The following SLC3A2 variants were observed in gnomAD, a reference collection of about 807,000 sequenced individuals.
The protein encoded by SLC3A2 is solute carrier family 3 member 2.
A neutral mutation model predicts 48.5 loss-of-function variants in SLC3A2; 32 were observed. The observed-to-expected ratio is 0.66, with a 90% CI of 0.50 to 0.89. The LOEUF is 0.89. SLC3A2 is among the 40% of genes least tolerant of loss of function. The pLI, the probability that SLC3A2 is intolerant of heterozygous loss-of-function variation, is 0.00. For missense variants in SLC3A2, 587 were observed against 680.7 expected, an observed-to-expected ratio of 0.86 and a Z score of 1.53; for synonymous variants, 277 against 288.8, an observed-to-expected ratio of 0.96 and a Z score of 0.41.
intron 1 of SLC3A2, among the ~76,000 whole-genome samples, chr11:62,874,675 G>T (rs898740654): frequency 6.6e-6 from 1 of 152,082 alleles, no homozygotes; most frequent in Admixed American, 6.6e-5. Flanking sequence ...GCTGCGAAGT[G>T]AACTGCTTTA....
chr11:62,876,162 G>T (rs1320998678), upstream of SLC3A2, among the ~76,000 whole-genome samples: 1 of 152,218 alleles, frequency 6.6e-6, no homozygotes, highest in African/African-American at 2.4e-5. Context: ...GCTGTGCCTG[G>T]TCAATCCTTT....
chr11:62,872,903 A>T (rs1373458558), intron 1 of SLC3A2, among the ~76,000 whole-genome samples: 2 of 152,158 alleles, frequency 1.3e-5, no homozygotes, highest in African/African-American at 4.8e-5. Context: ...TGCCTGGCCT[A>T]ACCAATTTTT....
In SLC3A2 at chr11:62,881,050, G is replaced by A; in HGVS notation, c.27G>A (p.Met9Ile). Residue 9 changes from methionine (M) to isoleucine (I), a missense_variant, in exon 1 of 9, where the codon ATG (methionine) becomes ATA (isoleucine). By Grantham distance (10) the Met-to-Ile change is conservative. Transcript: ENST00000338663. This position sits in a 1 kb window ranked among gnomAD's most constrained non-coding sequence, Gnocchi z 4.0. MSQDTEVD[M>I]KEVELNELEP... ...TGAGCCAGGACACCGAGGTGGATAT[G>A]AAGGAGGTGGAGCTGAATGAGTTAG... The A allele has an allele frequency of 6.3e-7, 1 of 1,588,208 alleles. No individual in the cohort carries two copies. Among genetic ancestry groups the A allele is most frequent in the Non-Finnish European group, 8.6e-7 (1 of 1,164,880 alleles).
intron 1 of SLC3A2, among the ~76,000 whole-genome samples, chr11:62,863,164 G>T (rs2085420001): frequency 6.6e-6 from 1 of 152,130 alleles, no homozygotes; most frequent in Non-Finnish European, 1.5e-5. Flanking sequence ...TAAGTGATCA[G>T]CCTGGCTTAG....
At chr11:62,857,083 A>C (rs1389813012) in intron 1 of SLC3A2, among the ~76,000 whole-genome samples, 1 of 151,886 alleles carries the variant, frequency 6.6e-6, no homozygotes, top group Non-Finnish European at 1.5e-5. Flanking sequence ...TCGGCCTCCC[A>C]AAGTGCTGGG....
chr11:62,881,318 G>C lies in SLC3A2; in HGVS notation c.295G>C (p.Ala99Pro), dbSNP rs766796469. Residue 99 changes from alanine to proline, a missense_variant, in exon 1 of 9, where the codon GCC (alanine) becomes CCC (proline). Ala to Pro is a conservative substitution (Grantham distance 27). Coordinates refer to ENST00000338663, the MANE Select transcript of SLC3A2 (RefSeq NM_001013251.3). The surrounding 1 kb of genome is among the most constrained non-coding windows in gnomAD (Gnocchi z 4.0). ...WLGWLGMLAG[A>P]VVIIVRAPRC... Reference sequence around the variant, plus strand: ...CGGCTGGCTCGGCATGCTTGCTGGTGCCGTGGTCATAATCGTGCGAGCGCC... The same window carrying C: ...CGGCTGGCTCGGCATGCTTGCTGGTCCCGTGGTCATAATCGTGCGAGCGCC... 6.3e-7 allele frequency: 1 copy of C among 1,580,806 alleles called. No individual in the cohort carries two copies. Among genetic ancestry groups the C allele is most frequent in the Non-Finnish European group, 8.6e-7 (1 of 1,167,492 alleles).
At chr11:62,867,749 G>A (rs765707043) in intron 1 of SLC3A2, among the ~76,000 whole-genome samples, 2 of 151,594 alleles carry the variant, frequency 1.3e-5, no homozygotes, top group Non-Finnish European at 2.9e-5. Flanking sequence ...TCAAAGTGCT[G>A]GGATTATAGG....
At position 62,888,734 on chromosome 11, in the gene SLC3A2, C is replaced by T; in HGVS notation, c.*41C>T. 1.3e-6 allele frequency: 2 copies of T among 1,499,026 alleles called. No homozygotes were observed. The highest frequency in any genetic ancestry group is 1.3e-5 in the South Asian group (1 of 79,000). The allele number at this position is 1,499,026 out of a possible 1,614,324, so 92.9% of individuals were successfully genotyped here. On this transcript the variant is annotated 3_prime_UTR_variant, in exon 9 of 9. Transcript: ENST00000338663. ...GACCCACTACCCTTCTCCTTTCCTT[C>T]CCAGGCCCTTTGGCTTCTGATTTTT...
intron 1 of SLC3A2, among the ~76,000 whole-genome samples, chr11:62,875,370 C>G (rs1352395631): frequency 6.6e-6 from 1 of 152,044 alleles, no homozygotes; most frequent in African/African-American, 2.4e-5. Context: ...CATGGTGAAA[C>G]CCCGTCTCTA....
At chr11:62,875,855 C>T (rs1264325131) in intron 1 of SLC3A2, among the ~76,000 whole-genome samples, 2 of 152,194 alleles carry the variant, frequency 1.3e-5, no homozygotes, top group African/African-American at 4.8e-5. Context: ...GCATGAGCCA[C>T]TGCGCCCAGC....
intron 1 of SLC3A2, among the ~76,000 whole-genome samples, chr11:62,860,626 C>G (rs560792600): frequency 6.1e-4 from 93 of 152,232 alleles, no homozygotes; most frequent in African/African-American, 2.1e-3. Flanking sequence ...TGCAAAGAGG[C>G]CTTCCTCTTT....
chr11:62,876,843 C>A, upstream of SLC3A2: 1 of 899,742 alleles, frequency 1.1e-6, no homozygotes, highest in Non-Finnish European at 1.4e-6. Flanking sequence ...CTCAATTGAT[C>A]CGACTGCCTC....
chr11:62,867,131 C>T (rs899796440), intron 1 of SLC3A2, among the ~76,000 whole-genome samples: 1 of 151,842 alleles, frequency 6.6e-6, no homozygotes, highest in Non-Finnish European at 1.5e-5. Context: ...GCTGGGATTA[C>T]AGGCATGCGC....
intron 1 of SLC3A2, among the ~76,000 whole-genome samples, chr11:62,861,776 G>A (rs1424450163): frequency 6.6e-6 from 1 of 151,960 alleles, no homozygotes; most frequent in African/African-American, 2.4e-5. Flanking sequence ...TCAGCCAGGC[G>A]TGGTGGCATA....
chr11:62,862,667 T>G (rs914063016), intron 1 of SLC3A2, among the ~76,000 whole-genome samples: 5 of 152,212 alleles, frequency 3.3e-5, no homozygotes, highest in African/African-American at 1.2e-4. Context: ...ATTAGTTACC[T>G]CTATAAGTTT....
At chr11:62,868,632 T>G (rs750057642) in intron 1 of SLC3A2, among the ~76,000 whole-genome samples, 37 of 152,176 alleles carry the variant, frequency 2.4e-4, no homozygotes, top group Admixed American at 9.2e-4. Flanking sequence ...CCCAAAGTGC[T>G]GGGATTACAG....
upstream of SLC3A2, among the ~76,000 whole-genome samples, chr11:62,877,518 G>A (rs987807703): frequency 6.6e-6 from 1 of 152,236 alleles, no homozygotes; most frequent in African/African-American, 2.4e-5. Context: ...CAAGGACAAA[G>A]AGACATCCAG....
Position 62,881,350 on chromosome 11 carries a change from T to C in SLC3A2, c.327T>C (p.Cys109=). The C allele has an allele frequency of 6.3e-7, 1 of 1,594,228 alleles. No individual in the cohort carries two copies. The change falls in exon 1 of 9, where the codon TGT becomes TGC. Residue 109 remains cysteine (C), a synonymous_variant. Transcript: ENST00000338663. The surrounding 1 kb of genome is among the most constrained non-coding windows in gnomAD (Gnocchi z 4.0). ...TCATAATCGTGCGAGCGCCGCGTTG[T>C]CGCGAGCTACCGGCGCAGAAGTGGT... ...AVVIIVRAPR[C]RELPAQKWWH...
In SLC3A2 at chr11:62,882,058, A is replaced by T; in HGVS notation, c.590A>T (p.Lys197Ile). 6.2e-7 allele frequency: 1 copy of T among 1,614,138 alleles called. No homozygotes were observed. Among genetic ancestry groups the T allele is most frequent in the Non-Finnish European group, 8.5e-7 (1 of 1,180,014 alleles). The change falls in exon 2 of 9, where the codon AAA (lysine) becomes ATA (isoleucine). Residue 197 changes from lysine (K) to isoleucine (I), a missense_variant. Physicochemically the swap from Lys to Ile is moderately radical, Grantham distance 102. This residue lies in a region of SLC3A2 where 409 missense variants were observed against 446.7 expected (regional missense o/e 0.92). Coordinates refer to ENST00000338663, the MANE Select transcript of SLC3A2 (RefSeq NM_001013251.3). ...TTTGACAGTCTCTTGCAATCGGCTA[A>T]AAAAAAGAGTGGGTATCCTGGGGTT... is the stretch of plus-strand genomic sequence containing the variant. ...EDFDSLLQSA[K>I]KKSIRVILDL...
Sources: gnomAD v4.1 joint callset for allele counts (sites outside exome capture counted in the v4.1 genomes callset) on GRCh38, gnomAD v4.1.1 for gene constraint, gnomAD v4.1.1 regional missense constraint, Gnocchi (gnomAD v3.1) non-coding constraint, MANE v1.5 for transcripts, NCBI Gene and HGNC (gene_info 2026-07-23, HGNC 2026-07-21) for gene names.